Variants in PTPRD observed in about 807,000 individuals in gnomAD.
PTPRD encodes receptor-type tyrosine-protein phosphatase delta.
Under a neutral mutation model 214.5 loss-of-function variants are expected in PTPRD, and 34 were observed. The ratio of observed to expected loss-of-function variants is 0.16; its 90% confidence interval spans 0.12 to 0.21. PTPRD has a LOEUF of 0.21. PTPRD is among the 10% of genes least tolerant of loss of function. The probability of loss-of-function intolerance (pLI) is 1.00; values close to 1 mark genes in which losing one functional copy is unlikely to be tolerated. For missense variants in PTPRD, 2,545 were observed against 2,398.7 expected, an observed-to-expected ratio of 1.06 and a Z score of -1.27; for synonymous variants, 1,128 against 845.7, an observed-to-expected ratio of 1.33 and a Z score of -5.79.
intron 14 of PTPRD, among the ~76,000 whole-genome samples, chr9:8,579,609 T>C (rs2092842956): frequency 2.0e-5 from 3 of 152,196 alleles, no homozygotes; most frequent in African/African-American, 4.8e-5. Flanking sequence ...AAGATACATA[T>C]ATAGTTGCAA....
At chr9:10,599,012 T>C (rs368471830) in intron 2 of PTPRD, among the ~76,000 whole-genome samples, 1 of 151,678 alleles carries the variant, frequency 6.6e-6, no homozygotes, top group Non-Finnish European at 1.5e-5. Context: ...GCTATGGGAC[T>C]ACATTTCCCA....
chr9:9,058,518 G>C (rs1409493405), intron 10 of PTPRD, among the ~76,000 whole-genome samples: 1 of 135,278 alleles, frequency 7.4e-6, no homozygotes, highest in Non-Finnish European at 1.5e-5. Flanking sequence ...GCGCGATCTC[G>C]GCTCACTGCA....
chr9:9,681,408 T>C (rs2097068026), intron 7 of PTPRD, among the ~76,000 whole-genome samples: 2 of 151,744 alleles, frequency 1.3e-5, no homozygotes, highest in African/African-American at 2.4e-5. Flanking sequence ...TCCTCTACTA[T>C]TGAGTCTCCT....
intron 14 of PTPRD, among the ~76,000 whole-genome samples, chr9:8,578,701 C>T (rs1452561512): frequency 9.2e-5 from 14 of 152,116 alleles, no homozygotes; most frequent in Admixed American, 5.9e-4. Flanking sequence ...CAGGACTGGG[C>T]TTAACATGTT....
At chr9:10,330,881 T>C (rs1769253131) in intron 3 of PTPRD, among the ~76,000 whole-genome samples, 1 of 151,850 alleles carries the variant, frequency 6.6e-6, no homozygotes, top group African/African-American at 2.4e-5. Flanking sequence ...GGCTCACTGG[T>C]AAAGTTAGCC....
At chr9:8,600,029 T>C (rs548828100) in intron 14 of PTPRD, among the ~76,000 whole-genome samples, 50 of 152,176 alleles carry the variant, frequency 3.3e-4, no homozygotes, top group Non-Finnish European at 6.3e-4. Flanking sequence ...CAGTGGTGAA[T>C]TGCCCACGCT....
intron 8 of PTPRD, among the ~76,000 whole-genome samples, chr9:9,415,187 T>C (rs1399168498): frequency 1.3e-5 from 2 of 152,200 alleles, no homozygotes; most frequent in Non-Finnish European, 2.9e-5. Flanking sequence ...ACAGAGTTCC[T>C]TCAGATGGCA....
At chr9:9,127,876 T>A (rs2154472171) in intron 10 of PTPRD, among the ~76,000 whole-genome samples, 1 of 152,288 alleles carries the variant, frequency 6.6e-6, no homozygotes, top group South Asian at 2.1e-4. Context: ...CCTGTTTGAA[T>A]TTCGTATATC....
At chr9:9,675,582 T>A (rs918170469) in intron 7 of PTPRD, among the ~76,000 whole-genome samples, 1 of 151,744 alleles carries the variant, frequency 6.6e-6, no homozygotes, top group African/African-American at 2.4e-5. Context: ...TAGATTAAAA[T>A]AACATTTTAA....
In PTPRD at chr9:9,728,914, T is replaced by C. The variant is rs145728656; in HGVS notation, c.-287+5619A>G. The stretch of plus-strand genomic sequence containing the variant: ...CATAGTTGATTTTTATTAAAATTTG[T>C]AGTACTATTTATCCCAAGTCTTCTA... On this transcript the variant is annotated intron_variant, in intron 7 of 45. Coordinates refer to ENST00000381196, the MANE Select transcript of PTPRD (RefSeq NM_002839.4). 1.3e-3 allele frequency among the ~76,000 whole-genome samples: 205 copies of C among 152,272 alleles called. 1 individual carries two copies. The highest frequency in any genetic ancestry group is 4.5e-3 in the African/African-American group (189 of 41,568).
At chr9:9,634,493 T>C (rs559896467) in intron 7 of PTPRD, among the ~76,000 whole-genome samples, 14 of 152,280 alleles carry the variant, frequency 9.2e-5, no homozygotes, top group South Asian at 2.1e-4. Flanking sequence ...CTATTGGTAA[T>C]TCAACAATAA....
At chr9:8,528,343 C>G (rs1390004392) in intron 15 of PTPRD, 2 of 494,486 alleles carry the variant, frequency 4.0e-6, no homozygotes, top group African/African-American at 4.1e-5. Flanking sequence ...ACCAAAAATA[C>G]AGTCACAGCA....
chr9:9,521,819 C>G (rs1042492974), intron 8 of PTPRD, among the ~76,000 whole-genome samples: 8 of 151,994 alleles, frequency 5.3e-5, no homozygotes, highest in African/African-American at 1.9e-4. Flanking sequence ...CTATAATGGA[C>G]CTGTTTAGTG....
chr9:9,736,749 G>C (rs1051062306), intron 6 of PTPRD, among the ~76,000 whole-genome samples: 3 of 151,794 alleles, frequency 2.0e-5, no homozygotes, highest in African/African-American at 7.3e-5. Context: ...ATCTGAGAAG[G>C]TTTTTTTAAG....
At chr9:8,645,054 G>A (rs369846994) in intron 12 of PTPRD, among the ~76,000 whole-genome samples, 1 of 152,314 alleles carries the variant, frequency 6.6e-6, no homozygotes, top group East Asian at 1.9e-4. Context: ...AGATTGCACA[G>A]ATAATATATC....
intron 3 of PTPRD, among the ~76,000 whole-genome samples, chr9:10,038,455 G>A (rs1013030009): frequency 2.6e-5 from 4 of 151,952 alleles, no homozygotes; most frequent in Admixed American, 1.3e-4. Context: ...CTCTATCTCA[G>A]TGAACAATAA....
chr9:8,598,281 G>C (rs111867842), intron 14 of PTPRD, among the ~76,000 whole-genome samples: 1 of 152,008 alleles, frequency 6.6e-6, no homozygotes, highest in East Asian at 1.9e-4. Flanking sequence ...GTGAAACCCT[G>C]TCTCTATTAA....
At chr9:8,576,869 A>G (rs1412741140) in intron 14 of PTPRD, among the ~76,000 whole-genome samples, 1 of 152,144 alleles carries the variant, frequency 6.6e-6, no homozygotes, top group African/African-American at 2.4e-5. Context: ...GCAATATTCA[A>G]CTGCTATTGA....
At chr9:9,352,991 C>G (rs527526264) in intron 9 of PTPRD, among the ~76,000 whole-genome samples, 2 of 151,774 alleles carry the variant, frequency 1.3e-5, no homozygotes, top group Non-Finnish European at 2.9e-5. Flanking sequence ...GTTGTTGTAT[C>G]TTTATTGTTC....
Sources: allele counts gnomAD v4.1 joint callset (sites outside exome capture counted in the v4.1 genomes callset), GRCh38; gene constraint gnomAD v4.1.1; transcripts MANE v1.5; gene names NCBI Gene and HGNC (gene_info 2026-07-23, HGNC 2026-07-21).